The following AMBRA1 variants were observed in gnomAD, a reference collection of about 807,000 sequenced individuals.
The protein encoded by AMBRA1 is activating molecule in BECN1-regulated autophagy protein 1.
In AMBRA1, 47 loss-of-function variants were observed where a neutral mutation model predicts 125.4. The observed-to-expected ratio is 0.37, with a 90% CI of 0.30 to 0.48. The LOEUF (loss-of-function observed/expected upper bound fraction) is 0.48, where lower values mean the gene tolerates loss of function less well. AMBRA1 is among the 20% of genes least tolerant of loss of function. AMBRA1 has a pLI of 0.99. For missense variants in AMBRA1, 1,331 were observed against 1,693.4 expected (o/e 0.79, Z 3.76); for synonymous variants, 626 against 655.5 (o/e 0.95, Z 0.69).
At chr11:46,531,708 T>TA (rs1371656004) in intron 7 of AMBRA1, among the ~76,000 whole-genome samples, 57 of 141,214 alleles carry the variant, frequency 4.0e-4, no homozygotes, top group African/African-American at 1.2e-3. Context: ...GACTCCATCT[T>TA]AAAAAAAAAA....
intron 12 of AMBRA1, among the ~76,000 whole-genome samples, chr11:46,436,902 T>C (rs570584913): frequency 2.0e-5 from 3 of 152,286 alleles, no homozygotes; most frequent in South Asian, 4.1e-4. Context: ...TGAACCTAAA[T>C]AGGAAAGGAG....
intron 11 of AMBRA1, among the ~76,000 whole-genome samples, chr11:46,471,095 G>C (rs183432074): frequency 7.9e-5 from 12 of 152,288 alleles, no homozygotes; most frequent in African/African-American, 2.2e-4. Context: ...TTGAGGCTCA[G>C]ATCAAGATAA....
chr11:46,424,862 TG>T (rs1947040229), intron 14 of AMBRA1, among the ~76,000 whole-genome samples: 1 of 151,288 alleles, frequency 6.6e-6, no homozygotes, highest in African/African-American at 2.4e-5. Flanking sequence ...ATAGGCCAGG[TG>T]TAGTGGCTCA....
At chr11:46,416,856 C>T (rs1946569367) in intron 15 of AMBRA1, among the ~76,000 whole-genome samples, 1 of 152,216 alleles carries the variant, frequency 6.6e-6, no homozygotes, top group Non-Finnish European at 1.5e-5. Context: ...GCTTCACACT[C>T]TCCACCTGGC....
At chr11:46,501,770 T>C (rs1950850663) in intron 9 of AMBRA1, among the ~76,000 whole-genome samples, 1 of 152,212 alleles carries the variant, frequency 6.6e-6, no homozygotes, top group South Asian at 2.1e-4. Flanking sequence ...CAATGTTTAA[T>C]ATAAGAAGTG....
chr11:46,411,817 G>A (rs924443477), intron 15 of AMBRA1, among the ~76,000 whole-genome samples: 8 of 151,870 alleles, frequency 5.3e-5, no homozygotes, highest in African/African-American at 1.9e-4. Context: ...TTTGAGGTGG[G>A]GTCTCACTAT....
intron 1 of AMBRA1, among the ~76,000 whole-genome samples, chr11:46,589,642 C>T (rs1477304601): frequency 6.6e-6 from 1 of 151,398 alleles, no homozygotes; most frequent in Non-Finnish European, 1.5e-5. Flanking sequence ...TTTTTTGAGA[C>T]AGAGTCTCCC....
intron 11 of AMBRA1, among the ~76,000 whole-genome samples, chr11:46,459,101 A>C (rs1414017174): frequency 6.6e-6 from 1 of 152,240 alleles, no homozygotes; most frequent in Non-Finnish European, 1.5e-5. Flanking sequence ...ACACCATGGA[A>C]CACCACGCAG....
At chr11:46,534,843 T>C (rs1258515961) in intron 7 of AMBRA1, among the ~76,000 whole-genome samples, 2 of 152,034 alleles carry the variant, frequency 1.3e-5, no homozygotes, top group African/African-American at 2.4e-5. Context: ...CCAGCTAATT[T>C]TTGAGCTTTT....
chr11:46,452,178 A>G (rs180847266), intron 11 of AMBRA1, among the ~76,000 whole-genome samples: 34 of 152,290 alleles, frequency 2.2e-4, no homozygotes, highest in Admixed American at 1.4e-3. Context: ...TTGTGAAGTA[A>G]AAAATGGTAA....
At chr11:46,491,229 A>C (rs373712599) in intron 11 of AMBRA1, 1 of 152,236 alleles carries the variant, frequency 6.6e-6, no homozygotes, top group East Asian at 1.9e-4. Flanking sequence ...AAAGAATGAC[A>C]TTTTAATGTT....
chr11:46,558,146 G>A (rs181624952), intron 1 of AMBRA1, among the ~76,000 whole-genome samples: 1 of 152,270 alleles, frequency 6.6e-6, no homozygotes, highest in East Asian at 1.9e-4. Context: ...ATCCAGACAA[G>A]TCCTGCCCAA....
At chr11:46,398,340 G>A (rs752473960) in intron 17 of AMBRA1, among the ~76,000 whole-genome samples, 24 of 152,332 alleles carry the variant, frequency 1.6e-4, no homozygotes, top group Middle Eastern at 3.4e-3. Flanking sequence ...GCTGGGGTAT[G>A]CCACCCTTTC....
intron 11 of AMBRA1, among the ~76,000 whole-genome samples, chr11:46,446,288 C>T (rs2136764351): frequency 6.6e-6 from 1 of 152,268 alleles, no homozygotes; most frequent in South Asian, 2.1e-4. Context: ...GAACTGTAGG[C>T]CAACTGAGCC....
chr11:46,511,167 A>G (rs893779127), intron 8 of AMBRA1, among the ~76,000 whole-genome samples: 8 of 152,206 alleles, frequency 5.3e-5, no homozygotes, highest in Non-Finnish European at 7.3e-5. Context: ...TGAGATGCCT[A>G]TTGCTGTCTT....
chr11:46,541,444 C>G (rs1056349730), intron 7 of AMBRA1, among the ~76,000 whole-genome samples: 23 of 151,600 alleles, frequency 1.5e-4, no homozygotes, highest in African/African-American at 5.6e-4. Flanking sequence ...TTTCTTTTCC[C>G]TTTGTCAAAC....
Position 46,542,877 on chromosome 11 carries a change from G to C in AMBRA1, c.1140C>G (p.Gly380=). The C allele has an allele frequency of 6.2e-7, 1 of 1,613,006 alleles. No homozygotes were observed. The highest frequency in any genetic ancestry group is 8.5e-7 in the Non-Finnish European group (1 of 1,179,910). ...AFSTVQSSTA[G]NTLRNLSLGP... is the part of the protein sequence containing the mutation. ...CCAGACTGAGGTTGCGGAGCGTGTT[G>C]CCGGCAGTGCTGCTCTGGACTGTAC... The change falls in exon 7 of 18, where the codon GGC becomes GGG. Residue 380 remains glycine, a synonymous_variant. Coordinates refer to ENST00000683756, the MANE Select transcript of AMBRA1 (RefSeq NM_001387011.1). This position sits in a 1 kb window ranked among gnomAD's most constrained non-coding sequence, Gnocchi z 5.9.
chr11:46,467,243 T>C (rs139763709), intron 11 of AMBRA1, among the ~76,000 whole-genome samples: 210 of 152,290 alleles, frequency 1.4e-3, no homozygotes, highest in Admixed American at 2.6e-3. Flanking sequence ...ATTTCCGCTA[T>C]TATCTACTGA....
intron 11 of AMBRA1, among the ~76,000 whole-genome samples, chr11:46,481,387 ATTTTTG>A (rs1211442662): frequency 6.6e-6 from 1 of 151,842 alleles, no homozygotes; most frequent in Non-Finnish European, 1.5e-5. Flanking sequence ...TGAACACACT[ATTTTTG>A]TTTTTGTTTT....
Sources: allele counts gnomAD v4.1 joint callset (sites outside exome capture counted in the v4.1 genomes callset), GRCh38; gene constraint gnomAD v4.1.1; non-coding constraint Gnocchi (gnomAD v3.1); transcripts MANE v1.5; gene names NCBI Gene and HGNC (gene_info 2026-07-23, HGNC 2026-07-21).